ZMYM4: variants seen among roughly 807,000 people sequenced by gnomAD.
ZMYM4 encodes zinc finger MYM-type containing 4, also known as zinc finger MYM-type protein 4.
A neutral mutation model predicts 183.2 loss-of-function variants in ZMYM4; 31 were observed. That is an observed-to-expected ratio of 0.17 (90% confidence interval 0.13 to 0.23). The LOEUF (loss-of-function observed/expected upper bound fraction) is 0.23, where lower values mean the gene tolerates loss of function less well. Ranked by LOEUF, ZMYM4 falls within the 10% of genes least tolerant of loss-of-function variation. The pLI is 1.00. For missense variants in ZMYM4, 1,273 were observed against 1,840.3 expected, an observed-to-expected ratio of 0.69 and a Z score of 5.64; for synonymous variants, 592 against 631.2, an observed-to-expected ratio of 0.94 and a Z score of 0.93.
At chr1:35,276,906 C>G (rs953243924) in intron 1 of ZMYM4, among the ~76,000 whole-genome samples, 3 of 152,188 alleles carry the variant, frequency 2.0e-5, no homozygotes, top group African/African-American at 7.2e-5. Flanking sequence ...TGCACCCAGC[C>G]AATAATCCCC....
In ZMYM4 at chr1:35,359,235, T is replaced by A. The variant is rs1191697332; in HGVS notation, c.396T>A (p.Asn132Lys). The A allele has an allele frequency of 6.2e-7, 1 of 1,608,886 alleles. No individual in the cohort carries two copies. The highest frequency in any genetic ancestry group is 8.5e-7 in the Non-Finnish European group (1 of 1,178,126). ...ATGAAAATGAAATACAAATTCAAAA[T>A]AAGTTAAAAAAAGACTTTCCTAAAC... ...SDNENEIQIQNKLKKDFPKQF... is the reference protein window; with the variant it reads ...SDNENEIQIQKKLKKDFPKQF... The change falls in exon 3 of 30, where the codon AAT becomes AAA. Residue 132 changes from asparagine to lysine, a missense_variant. Transcript: ENST00000314607.
chr1:35,327,130 G>A (rs1408729862), intron 2 of ZMYM4, among the ~76,000 whole-genome samples: 1 of 152,160 alleles, frequency 6.6e-6, no homozygotes, highest in Non-Finnish European at 1.5e-5. Context: ...CAAAGTCCTG[G>A]GATTACAGGC....
intron 1 of ZMYM4, among the ~76,000 whole-genome samples, chr1:35,278,323 TTC>T (rs1195227890): frequency 6.6e-6 from 1 of 152,108 alleles, no homozygotes; most frequent in African/African-American, 2.4e-5. Flanking sequence ...TACACTACAG[TTC>T]TTTTTTTGAC....
At chr1:35,324,144 A>G (rs1642408330) in intron 1 of ZMYM4, among the ~76,000 whole-genome samples, 2 of 151,890 alleles carry the variant, frequency 1.3e-5, no homozygotes, top group African/African-American at 2.4e-5. Context: ...TGGTATTTAT[A>G]TCTTCAGTTC....
chr1:35,371,780 T>A (rs913004054), intron 7 of ZMYM4, among the ~76,000 whole-genome samples: 3 of 152,228 alleles, frequency 2.0e-5, no homozygotes, highest in Non-Finnish European at 4.4e-5. Flanking sequence ...TTAAATATGG[T>A]TAGAAGTTTT....
intron 24 of ZMYM4, 58 bp from the exon 25 acceptor site, chr1:35,405,315 A>T: frequency 6.3e-7 from 1 of 1,579,218 alleles, no homozygotes; most frequent in East Asian, 2.2e-5. Flanking sequence ...GCTTTACTTA[A>T]TTTTTTCCGC....
At chr1:35,385,279 A>G (rs1644552023) in intron 9 of ZMYM4, among the ~76,000 whole-genome samples, 163 bp from the exon 10 acceptor site, 1 of 152,250 alleles carries the variant, frequency 6.6e-6, no homozygotes, top group Admixed American at 6.5e-5. Flanking sequence ...AAAATCTCAG[A>G]AGTACATGTG....
intron 2 of ZMYM4, among the ~76,000 whole-genome samples, chr1:35,343,125 T>G (rs576730306): frequency 1.3e-5 from 2 of 152,358 alleles, no homozygotes; most frequent in South Asian, 4.1e-4. Flanking sequence ...CATCTATGCA[T>G]TCATCTGTTC....
At chr1:35,303,808 C>T (rs1641400568) in intron 1 of ZMYM4, among the ~76,000 whole-genome samples, 1 of 151,514 alleles carries the variant, frequency 6.6e-6, no homozygotes, top group Admixed American at 6.6e-5. Context: ...TCCTTCTTTC[C>T]ACTTATTTTG....
rs368238740 is a variant in ZMYM4, at chr1:35,274,358, A to C, written c.39+5273A>C. On this transcript the variant is annotated intron_variant, in intron 1 of 29. Coordinates refer to ENST00000314607, the MANE Select transcript of ZMYM4 (RefSeq NM_005095.3). ...AGTGGTTCATGCTTGTAATCCTAGC[A>C]CTTTGGGAGGCCGAGGCAGGAGGAT... Among the ~76,000 whole-genome samples the C allele has an allele frequency of 2.0e-5, 3 of 152,232 alleles. No homozygotes were observed. In the East Asian group the frequency reaches 5.8e-4, roughly 29 times the overall value.
At chr1:35,397,191 T>G (rs1334760764) in intron 19 of ZMYM4, 186 bp from the exon 20 acceptor site, 4 of 1,062,812 alleles carry the variant, frequency 3.8e-6, no homozygotes, top group Non-Finnish European at 4.8e-6. Context: ...TCCAAAGCAC[T>G]TATTGAAATT....
At chr1:35,407,126 T>C (rs1389319533) in intron 25 of ZMYM4, among the ~76,000 whole-genome samples, 2 of 152,148 alleles carry the variant, frequency 1.3e-5, no homozygotes, top group Non-Finnish European at 2.9e-5. Context: ...TTCAAATAAA[T>C]ATCAGCTGAA....
chr1:35,393,671 G>A lies in ZMYM4; in HGVS notation c.2843G>A (p.Cys948Tyr). Reference protein sequence around the residue: ...PRLLKNKALLCKPITQTKATS... With the variant: ...PRLLKNKALLYKPITQTKATS... Reference sequence around the variant, plus strand: ...CTTTTGAAGAACAAAGCTTTATTATGCAAACCCATCACACAGACTAAAGCC... The same window carrying A: ...CTTTTGAAGAACAAAGCTTTATTATACAAACCCATCACACAGACTAAAGCC... Residue 948 changes from cysteine (C) to tyrosine (Y), a missense_variant, in exon 18 of 30, where the codon TGC (cysteine) becomes TAC (tyrosine). Physicochemically the swap from Cys to Tyr is radical, Grantham distance 194. Coordinates refer to ENST00000314607, the MANE Select transcript of ZMYM4 (RefSeq NM_005095.3). 6.2e-7 allele frequency: 1 copy of A among 1,612,732 alleles called. No homozygotes were observed. The highest frequency in any genetic ancestry group is 8.5e-7 in the Non-Finnish European group (1 of 1,179,160).
At chr1:35,331,197 C>T (rs558008022) in intron 2 of ZMYM4, among the ~76,000 whole-genome samples, 1 of 152,084 alleles carries the variant, frequency 6.6e-6, no homozygotes, top group Non-Finnish European at 1.5e-5. Context: ...TAAAGGAATA[C>T]TTTCTTTATG....
chr1:35,279,428 G>A (rs1253353536), intron 1 of ZMYM4, among the ~76,000 whole-genome samples: 1 of 152,130 alleles, frequency 6.6e-6, no homozygotes, highest in Admixed American at 6.5e-5. Flanking sequence ...TTTCTGTTGA[G>A]ATGATTGATG....
chr1:35,356,083 G>A (rs1023434197), intron 2 of ZMYM4, among the ~76,000 whole-genome samples: 33 of 152,116 alleles, frequency 2.2e-4, no homozygotes, highest in Admixed American at 2.0e-3. Context: ...GGCGGCATGC[G>A]CCTGTTATCT....
At chr1:35,283,804 GTTTTTTAATTGCT>G (rs1412852537) in intron 1 of ZMYM4, among the ~76,000 whole-genome samples, 1 of 151,956 alleles carries the variant, frequency 6.6e-6, no homozygotes, top group African/African-American at 2.4e-5. Flanking sequence ...CTTTGTGCAT[GTTTTTTAATTGCT>G]TGTCTTTTTT....
rs1372605502 is a variant in ZMYM4, at chr1:35,389,371, T to G, written c.2436+289T>G. Among the ~76,000 whole-genome samples, 1 of 152,238 alleles carries G rather than the reference T, an allele frequency of 6.6e-6. No homozygotes were observed. Among genetic ancestry groups the G allele is most frequent in the Non-Finnish European group, 1.5e-5 (1 of 68,042 alleles). ...TAAAGTGAATTTGTCTTCTGAAGTCTGAGGAAGATAGACCTTATTTTTATT... is the reference window on the plus strand; with the variant it reads ...TAAAGTGAATTTGTCTTCTGAAGTCGGAGGAAGATAGACCTTATTTTTATT... On this transcript the variant is annotated intron_variant, in intron 14 of 29. Transcript: ENST00000314607. The surrounding 1 kb of genome is among the most constrained non-coding windows in gnomAD (Gnocchi z 4.0).
chr1:35,275,418 A>G (rs773229204), intron 1 of ZMYM4, among the ~76,000 whole-genome samples: 17 of 151,900 alleles, frequency 1.1e-4, no homozygotes, highest in South Asian at 2.1e-4. Flanking sequence ...ATTTTTAGAC[A>G]GGGTTTCACC....
Sources: gnomAD v4.1 joint callset for allele counts (sites outside exome capture counted in the v4.1 genomes callset) on GRCh38, gnomAD v4.1.1 for gene constraint, Gnocchi (gnomAD v3.1) non-coding constraint, MANE v1.5 for transcripts, NCBI Gene and HGNC (gene_info 2026-07-23, HGNC 2026-07-21) for gene names.